The following DNAJC1 variants were observed in gnomAD, a reference collection of about 807,000 sequenced individuals.
The protein encoded by DNAJC1 is DnaJ heat shock protein family (Hsp40) member C1.
Under a neutral mutation model 76.6 loss-of-function variants are expected in DNAJC1, and 58 were observed. That is an observed-to-expected ratio of 0.76 (90% confidence interval 0.61 to 0.94). The LOEUF is 0.94. Ranked by LOEUF, DNAJC1 falls within the 40% of genes least tolerant of loss-of-function variation. The pLI is 0.00. For missense variants in DNAJC1, 689 were observed against 677.3 expected, an observed-to-expected ratio of 1.02 and a Z score of -0.19; for synonymous variants, 258 against 267.9, an observed-to-expected ratio of 0.96 and a Z score of 0.36.
intron 1 of DNAJC1, among the ~76,000 whole-genome samples, chr10:21,950,862 G>C (rs1487221360): frequency 2.0e-5 from 3 of 152,190 alleles, no homozygotes; most frequent in African/African-American, 7.2e-5. Context: ...TTCTGAGAAG[G>C]ACAAGAGGGT....
chr10:21,831,996 A>G lies in DNAJC1; in HGVS notation c.979-25897T>C, dbSNP rs186142548. Reference sequence around the variant, plus strand: ...TAGTCATCCTGTGATTTCCAGGTGCAATGAAGAAAATTTAGAATTGACATA... The same window carrying G: ...TAGTCATCCTGTGATTTCCAGGTGCGATGAAGAAAATTTAGAATTGACATA... On this transcript the variant is annotated intron_variant, in intron 8 of 11. Transcript: ENST00000376980. Among the ~76,000 whole-genome samples, 287 of 152,242 alleles carry G rather than the reference A, an allele frequency of 1.9e-3. 1 individual carries two copies. The highest frequency in any genetic ancestry group is 6.6e-3 in the African/African-American group (275 of 41,542).
At chr10:21,863,269 G>C (rs72806318) in intron 8 of DNAJC1, among the ~76,000 whole-genome samples, 1 of 151,924 alleles carries the variant, frequency 6.6e-6, no homozygotes, top group African/African-American at 2.4e-5. Context: ...CTCAAGAGAG[G>C]CTAAAACAGA....
At chr10:21,898,932 A>G (rs748939922) in intron 7 of DNAJC1, among the ~76,000 whole-genome samples, 37 of 152,254 alleles carry the variant, frequency 2.4e-4, no homozygotes, top group Non-Finnish European at 4.9e-4. Context: ...AGCACCTTCA[A>G]CTGAAATATC....
At chr10:21,970,147 A>G (rs1343155370) in intron 1 of DNAJC1, among the ~76,000 whole-genome samples, 2 of 152,150 alleles carry the variant, frequency 1.3e-5, no homozygotes, top group African/African-American at 4.8e-5. Context: ...GACTGGAAAA[A>G]ATTATTACAA....
At chr10:21,964,445 C>A (rs1052018692) in intron 1 of DNAJC1, among the ~76,000 whole-genome samples, 1 of 152,104 alleles carries the variant, frequency 6.6e-6, no homozygotes, top group African/African-American at 2.4e-5. Context: ...CTCCTGGGTA[C>A]AAGCCATCTG....
At position 21,929,129 on chromosome 10, in the gene DNAJC1, C is replaced by T; in HGVS notation, c.235G>A (p.Ala79Thr). The T allele has an allele frequency of 6.2e-7, 1 of 1,609,854 alleles. No homozygotes were observed. The highest frequency in any genetic ancestry group is 8.5e-7 in the Non-Finnish European group (1 of 1,178,316). Reference protein sequence around the residue: ...FLGVQQDASSADIRKAYRKLS... With the variant: ...FLGVQQDASSTDIRKAYRKLS... The stretch of plus-strand genomic sequence containing the variant: ...TTACGATATGCTTTTCTGATGTCTG[C>T]AGATGATGCATCCTGGAGGTGGTAG... The change falls in exon 2 of 12, where the codon GCA becomes ACA. Residue 79 changes from alanine (A) to threonine (T), a missense_variant. Transcript: ENST00000376980.
chr10:21,947,420 C>T (rs921680666), intron 1 of DNAJC1, among the ~76,000 whole-genome samples: 5 of 152,102 alleles, frequency 3.3e-5, no homozygotes, highest in Admixed American at 3.3e-4. Flanking sequence ...GCAAGACTAG[C>T]CTCTCCTCTC....
At chr10:21,783,633 A>G (rs372025739) in intron 9 of DNAJC1, among the ~76,000 whole-genome samples, 3 of 152,136 alleles carry the variant, frequency 2.0e-5, no homozygotes, top group Admixed American at 1.3e-4. Flanking sequence ...GAGGCATCAC[A>G]CTACCTGACT....
chr10:21,869,724 T>G (rs2131707623), intron 8 of DNAJC1, among the ~76,000 whole-genome samples: 2 of 152,210 alleles, frequency 1.3e-5, no homozygotes, highest in East Asian at 1.9e-4. Context: ...GTTCTATACC[T>G]CGTTTGGAGA....
chr10:22,003,718 T>C lies in DNAJC1; in HGVS notation c.-284A>G. 2.9e-6 allele frequency: 1 copy of C among 339,452 alleles called. No individual in the cohort carries two copies. Among genetic ancestry groups the C allele is most frequent in the East Asian group, 4.6e-5 (1 of 21,728 alleles). The allele number at this position is 339,452 out of a possible 1,614,324, so 21.0% of individuals were successfully genotyped here. A position where few individuals can be genotyped will look rare whatever the true frequency, so the allele number is the denominator to read the frequency against. On this transcript the variant is annotated 5_prime_UTR_variant, in exon 1 of 12. Transcript: ENST00000376980. ...AGCTGTAGAGGCAGCGCCCGGCGCCTGGGCTGCACAGTGGGTGAGGCTTCC... is the reference window on the plus strand; with the variant it reads ...AGCTGTAGAGGCAGCGCCCGGCGCCCGGGCTGCACAGTGGGTGAGGCTTCC...
At chr10:21,811,710 G>A (rs979176190) in intron 8 of DNAJC1, among the ~76,000 whole-genome samples, 1 of 152,016 alleles carries the variant, frequency 6.6e-6, no homozygotes, top group African/African-American at 2.4e-5. Context: ...ATGGATATTT[G>A]GGTTGCTGCT....
intron 1 of DNAJC1, among the ~76,000 whole-genome samples, chr10:22,002,657 A>G (rs1206234130): frequency 6.6e-6 from 1 of 152,176 alleles, no homozygotes; most frequent in Non-Finnish European, 1.5e-5. Context: ...AAGATGACGA[A>G]GTACAAAGTA....
intron 8 of DNAJC1, among the ~76,000 whole-genome samples, chr10:21,843,000 G>C (rs1376848833): frequency 1.3e-5 from 2 of 152,106 alleles, no homozygotes; most frequent in Non-Finnish European, 2.9e-5. Context: ...ATAAAAAGCA[G>C]CGAAAAGTAT....
At chr10:21,973,781 T>C (rs1002259463) in intron 1 of DNAJC1, among the ~76,000 whole-genome samples, 1 of 151,418 alleles carries the variant, frequency 6.6e-6, no homozygotes, top group Non-Finnish European at 1.5e-5. Context: ...TTAGAAAAGA[T>C]CTGGAGATGA....
At chr10:21,857,875 A>G (rs535876376) in intron 8 of DNAJC1, among the ~76,000 whole-genome samples, 10 of 139,914 alleles carry the variant, frequency 7.1e-5, no homozygotes, top group Admixed American at 2.8e-4. Context: ...ACAAACAAAC[A>G]AAAAAAAAAA....
At chr10:21,783,779 C>G (rs1457783864) in intron 9 of DNAJC1, among the ~76,000 whole-genome samples, 4 of 152,138 alleles carry the variant, frequency 2.6e-5, no homozygotes, top group Non-Finnish European at 5.9e-5. Context: ...TTTGACAAAC[C>G]TGACAAAAAC....
chr10:21,820,477 C>G (rs1011033861), intron 8 of DNAJC1, among the ~76,000 whole-genome samples: 1 of 152,222 alleles, frequency 6.6e-6, no homozygotes, highest in South Asian at 2.1e-4. Flanking sequence ...CACTTTCACA[C>G]AAACACAAAA....
intron 7 of DNAJC1, among the ~76,000 whole-genome samples, chr10:21,902,496 G>T (rs147367667): frequency 6.6e-6 from 1 of 151,936 alleles, no homozygotes; most frequent in Admixed American, 6.6e-5. Context: ...ATAGAGATGG[G>T]GTTTCACCAT....
intron 8 of DNAJC1, among the ~76,000 whole-genome samples, chr10:21,842,816 T>G (rs1262000680): frequency 6.6e-6 from 1 of 152,224 alleles, no homozygotes; most frequent in African/African-American, 2.4e-5. Flanking sequence ...TCAATGAATG[T>G]TCTGATAAGG....
Sources: gnomAD v4.1 joint callset for allele counts (sites outside exome capture counted in the v4.1 genomes callset) on GRCh38, gnomAD v4.1.1 for gene constraint, MANE v1.5 for transcripts, NCBI Gene and HGNC (gene_info 2026-07-23, HGNC 2026-07-21) for gene names.